MB21D2: variants seen among roughly 807,000 people sequenced by gnomAD.
MB21D2 encodes Mab-21 domain containing 2, also known as nucleotidyltransferase MB21D2.
In MB21D2, 9 loss-of-function variants were observed where a neutral mutation model predicts 33.3. The ratio of observed to expected loss-of-function variants is 0.27; its 90% CI spans 0.16 to 0.47. The LOEUF (loss-of-function observed/expected upper bound fraction) is 0.47. MB21D2 is among the 20% of genes least tolerant of loss of function. The probability of loss-of-function intolerance (pLI) is 0.99; values close to 1 mark genes in which losing one functional copy is unlikely to be tolerated. For missense variants in MB21D2, 540 were observed against 624.6 expected (o/e 0.86, Z 1.44); for synonymous variants, 241 against 236.3 (o/e 1.02, Z -0.18).
In MB21D2 at chr3:192,799,134, C is replaced by A; in HGVS notation, c.728G>T (p.Gly243Val). The change falls in exon 2 of 2, where the codon GGT (glycine) becomes GTT (valine). Residue 243 changes from glycine to valine, a missense_variant. By Grantham distance (109) the Gly-to-Val change is moderately radical. Coordinates refer to ENST00000392452, the MANE Select transcript of MB21D2 (RefSeq NM_178496.4). This position sits in a 1 kb window ranked among gnomAD's most constrained non-coding sequence, Gnocchi z 4.1. ...YDIVPVVSFK[G>V]WPAVAQSWLM... ...CCAGCTCTGGGCCACTGCAGGCCAA[C>A]CTTTGAAAGATACCACAGGGACAAT... The A allele has an allele frequency of 6.2e-7, 1 of 1,614,198 alleles. No homozygotes were observed. The highest frequency in any genetic ancestry group is 8.5e-7 in the Non-Finnish European group (1 of 1,180,024).
At chr3:192,891,938 T>TTA (rs1167322448) in intron 1 of MB21D2, among the ~76,000 whole-genome samples, 1 of 152,124 alleles carries the variant, frequency 6.6e-6, no homozygotes, top group Non-Finnish European at 1.5e-5. Context: ...TTTAGGCCTA[T>TTA]TATTTAACCC....
chr3:192,853,801 G>T (rs1483212085), intron 1 of MB21D2, among the ~76,000 whole-genome samples: 4 of 152,150 alleles, frequency 2.6e-5, no homozygotes, highest in African/African-American at 9.7e-5. Context: ...TTTTCCAACT[G>T]CAGGGTTCAC....
intron 1 of MB21D2, among the ~76,000 whole-genome samples, chr3:192,829,025 A>G (rs572130564): frequency 2.0e-5 from 3 of 152,204 alleles, no homozygotes; most frequent in Admixed American, 6.5e-5. Flanking sequence ...CACAATTAAG[A>G]CAGAATATTT....
intron 1 of MB21D2, among the ~76,000 whole-genome samples, chr3:192,890,500 C>A (rs1713827614): frequency 6.8e-6 from 1 of 147,870 alleles, no homozygotes; most frequent in African/African-American, 2.5e-5. Flanking sequence ...GGCATCAGGA[C>A]AAAAGCGAAA....
At position 192,799,157 on chromosome 3, in the gene MB21D2, A is replaced by G; in HGVS notation, c.705T>C (p.Ile235=). The change falls in exon 2 of 2, where the codon ATT becomes ATC. Residue 235 remains isoleucine (I), a synonymous_variant. Coordinates refer to ENST00000392452, the MANE Select transcript of MB21D2 (RefSeq NM_178496.4). The surrounding 1 kb of genome is among the most constrained non-coding windows in gnomAD (Gnocchi z 4.1). ...GVGSSRMLYD[I]VPVVSFKGWP... ...AACCTTTGAAAGATACCACAGGGAC[A>G]ATATCATACAACATGCGACTACTCC... The G allele has an allele frequency of 6.2e-7, 1 of 1,614,174 alleles. No individual in the cohort carries two copies. The highest frequency in any genetic ancestry group is 2.2e-5 in the East Asian group (1 of 44,872).
intron 1 of MB21D2, among the ~76,000 whole-genome samples, chr3:192,855,902 A>T (rs1304416922): frequency 6.6e-6 from 1 of 152,226 alleles, no homozygotes; most frequent in African/African-American, 2.4e-5. Flanking sequence ...GCGAAAGCCC[A>T]TCTCTATTAA....
Position 192,910,298 on chromosome 3 carries a change from C to CAA in MB21D2, c.211+7330_211+7331dup, listed in dbSNP as rs747554734. On this transcript the variant is annotated intron_variant, in intron 1 of 1. Transcript: ENST00000392452. ...CTGGGCAACAAGACCACCATCTCTA[C>CAA]AAAAAAAAAAAAAAAAAAAAAATTT... Among the ~76,000 whole-genome samples, 240 of 52,004 alleles carry CAA rather than the reference C, an allele frequency of 4.6e-3. 2 individuals carry two copies. In the South Asian group the frequency reaches 0.056, roughly 12 times the overall value. 34.1% of individuals were successfully genotyped at this position (52,004 alleles called of 152,430 possible). A position where few individuals can be genotyped will look rare whatever the true frequency, so the allele number is the denominator to read the frequency against.
chr3:192,870,188 T>C (rs1253419567), intron 1 of MB21D2, among the ~76,000 whole-genome samples: 1 of 146,204 alleles, frequency 6.8e-6, no homozygotes, highest in Admixed American at 6.8e-5. Context: ...GGAGGACTTC[T>C]GTAACACGAA....
chr3:192,897,259 T>C (rs960991354), intron 1 of MB21D2, among the ~76,000 whole-genome samples: 3 of 152,102 alleles, frequency 2.0e-5, no homozygotes, highest in Non-Finnish European at 2.9e-5. Context: ...AACAGAACGG[T>C]TGCATAGCTT....
chr3:192,837,958 G>C (rs1260588472), intron 1 of MB21D2, among the ~76,000 whole-genome samples: 1 of 152,188 alleles, frequency 6.6e-6, no homozygotes, highest in Non-Finnish European at 1.5e-5. Flanking sequence ...CCCAAACTTA[G>C]GGATTTATAA....
chr3:192,867,681 T>C (rs543623059), intron 1 of MB21D2, among the ~76,000 whole-genome samples: 1 of 152,266 alleles, frequency 6.6e-6, no homozygotes, highest in African/African-American at 2.4e-5. Flanking sequence ...TCTTTGACAC[T>C]CTCCCATCAA....
At chr3:192,832,349 A>T (rs374051405) in intron 1 of MB21D2, among the ~76,000 whole-genome samples, 13 of 152,332 alleles carry the variant, frequency 8.5e-5, no homozygotes, top group African/African-American at 2.9e-4. Flanking sequence ...AAATGCTTTC[A>T]ACTAAGTGAA....
chr3:192,814,857 T>C (rs1349214401), intron 1 of MB21D2, among the ~76,000 whole-genome samples: 7 of 115,960 alleles, frequency 6.0e-5, no homozygotes, highest in African/African-American at 2.8e-4. Context: ...AGAGCGAGAC[T>C]CCATCCCAAA....
chr3:192,857,123 G>A (rs1237550408), intron 1 of MB21D2, among the ~76,000 whole-genome samples: 1 of 152,110 alleles, frequency 6.6e-6, no homozygotes, highest in Non-Finnish European at 1.5e-5. Context: ...GCAGAAATAT[G>A]AATAAATAGA....
At chr3:192,839,147 G>GA (rs1712515349) in intron 1 of MB21D2, among the ~76,000 whole-genome samples, 2 of 152,074 alleles carry the variant, frequency 1.3e-5, no homozygotes, top group Admixed American at 1.3e-4. Context: ...ATGACTGCTG[G>GA]AAAAAATAGC....
At chr3:192,913,542 G>A (rs1714399380) in intron 1 of MB21D2, among the ~76,000 whole-genome samples, 1 of 151,834 alleles carries the variant, frequency 6.6e-6, no homozygotes, top group South Asian at 2.1e-4. Flanking sequence ...TGAAAAAACT[G>A]GCCAGGCATG....
chr3:192,801,079 C>G (rs115966864), intron 1 of MB21D2, among the ~76,000 whole-genome samples: 3 of 152,020 alleles, frequency 2.0e-5, no homozygotes, highest in African/African-American at 7.3e-5. Context: ...TAGAAGACTC[C>G]GTGCATGCAG....
At chr3:192,878,687 G>A (rs1379149598) in intron 1 of MB21D2, among the ~76,000 whole-genome samples, 1 of 152,198 alleles carries the variant, frequency 6.6e-6, no homozygotes, top group Non-Finnish European at 1.5e-5. Flanking sequence ...TGAAGAGCAG[G>A]CTGCAGTGGC....
intron 1 of MB21D2, among the ~76,000 whole-genome samples, chr3:192,852,279 T>C (rs1026663096): frequency 2.0e-5 from 3 of 152,214 alleles, no homozygotes; most frequent in African/African-American, 7.2e-5. Flanking sequence ...CTTCAATCGA[T>C]GTAATTGCTA....
Sources: gnomAD v4.1 joint callset for allele counts (sites outside exome capture counted in the v4.1 genomes callset) on GRCh38, gnomAD v4.1.1 for gene constraint, Gnocchi (gnomAD v3.1) non-coding constraint, MANE v1.5 for transcripts, NCBI Gene and HGNC (gene_info 2026-07-23, HGNC 2026-07-21) for gene names.